Variants in TIAM2 observed in about 807,000 individuals in gnomAD.
The protein encoded by TIAM2 is rho guanine nucleotide exchange factor TIAM2.
TIAM2 carries 80 observed loss-of-function variants against 152.9 expected under a neutral mutation model. The ratio of observed to expected loss-of-function variants is 0.52; its 90% CI spans 0.44 to 0.63. The LOEUF (loss-of-function observed/expected upper bound fraction) is 0.63. Among genes scored for constraint, TIAM2 ranks in the 30% least tolerant of loss-of-function variants. The pLI is 0.00. For missense variants in TIAM2, 1,965 were observed against 2,120.1 expected (o/e 0.93, Z 1.44); for synonymous variants, 804 against 838.0 (o/e 0.96, Z 0.70).
chr6:155,161,208 C>T (rs760409509), intron 7 of TIAM2, among the ~76,000 whole-genome samples: 90 of 130,378 alleles, frequency 6.9e-4, no homozygotes, highest in Middle Eastern at 8.2e-3. Context: ...GCCGGGGTAT[C>T]GGGTCTCACT....
intron 1 of TIAM2, among the ~76,000 whole-genome samples, chr6:155,029,667 C>G (rs1255076394): frequency 8.9e-6 from 1 of 112,578 alleles, no homozygotes; most frequent in Non-Finnish European, 1.8e-5. Context: ...AGTTATATAA[C>G]TATATACAGA....
chr6:155,158,197 G>T (rs1780172047), intron 7 of TIAM2, among the ~76,000 whole-genome samples: 1 of 152,130 alleles, frequency 6.6e-6, no homozygotes, highest in South Asian at 2.1e-4. Context: ...TTCTAGGACT[G>T]CTGGGTGTGG....
chr6:155,199,178 C>T (rs574974686), intron 14 of TIAM2, among the ~76,000 whole-genome samples: 10 of 152,010 alleles, frequency 6.6e-5, no homozygotes, highest in African/African-American at 1.9e-4. Flanking sequence ...CAGGTTCAAG[C>T]GATTCTCCTG....
At chr6:155,114,345 G>A (rs762578562) in intron 2 of TIAM2, among the ~76,000 whole-genome samples, 12 of 151,640 alleles carry the variant, frequency 7.9e-5, no homozygotes, top group African/African-American at 1.2e-4. Flanking sequence ...GTGAGCCACC[G>A]TGCCCTGCCA....
intron 1 of TIAM2, among the ~76,000 whole-genome samples, chr6:155,085,404 T>G (rs1778153282): frequency 6.6e-6 from 1 of 152,172 alleles, no homozygotes; most frequent in Non-Finnish European, 1.5e-5. Context: ...CCTTTTCTCA[T>G]TGACCTGCAT....
chr6:155,179,000 G>T, intron 10 of TIAM2, 39 bp from the exon 11 acceptor site: 2 of 1,466,490 alleles, frequency 1.4e-6, no homozygotes, highest in Non-Finnish European at 1.9e-6. Context: ...GATTTAGAAA[G>T]AGCATTTAAA....
In TIAM2 at chr6:155,252,063, C is replaced by T. The variant is rs111273707; in HGVS notation, c.4119+60C>T. 2.0e-3 allele frequency: 2,750 copies of T among 1,397,070 alleles called. 35 individuals carry two copies. In the African/African-American group the frequency reaches 0.029, roughly 15 times the overall value. 86.5% of individuals were successfully genotyped at this position (1,397,070 alleles called of 1,614,324 possible). A position where few individuals can be genotyped will look rare whatever the true frequency, so the allele number is the denominator to read the frequency against. ...TTTCATAGCTGTATCTTCCTATTAA[C>T]GTTGAACTGAAAAGCCCACTGAGCA... On this transcript the variant is annotated intron_variant, in intron 23 of 26. Transcript: ENST00000682666.
In TIAM2 at chr6:155,256,881, A is replaced by C. The variant is rs754460773; in HGVS notation, c.4866A>C (p.Gly1622=). Residue 1622 remains glycine (G), a synonymous_variant, in exon 27 of 27, where the codon GGA becomes GGC. Transcript: ENST00000682666. The stretch of plus-strand genomic sequence containing the variant: ...AGTCGGGTGAGGGTCAGAAAGGAGG[A>C]GAGCAGCCCAAACTGGTCCGGGGGC... The part of the protein sequence containing the change: ...GPESGEGQKG[G]EQPKLVRGHF... 2.5e-6 allele frequency: 4 copies of C among 1,614,096 alleles called. No homozygotes were observed. Among genetic ancestry groups the C allele is most frequent in the Admixed American group, 3.3e-5 (2 of 60,002 alleles).
chr6:155,165,368 C>T lies in TIAM2; in HGVS notation c.2320C>T (p.Leu774=). 1 of 1,614,116 alleles carries T rather than the reference C, an allele frequency of 6.2e-7. No individual in the cohort carries two copies. ...IFSSLKGLDT[L]ARKGKEKRPS... ...TTCTTCGTTAAAAGGGCTGGACACACTGGCCAGAAAAGGCAAGGAGAAGAG... is the reference window on the plus strand; with the variant it reads ...TTCTTCGTTAAAAGGGCTGGACACATTGGCCAGAAAAGGCAAGGAGAAGAG... Residue 774 remains leucine, a synonymous_variant, in exon 9 of 27, where the codon CTG becomes TTG. Coordinates refer to ENST00000682666, the MANE Select transcript of TIAM2 (RefSeq NM_012454.4).
chr6:155,018,971 C>T (rs1404732486), intron 1 of TIAM2, among the ~76,000 whole-genome samples: 1 of 148,446 alleles, frequency 6.7e-6, no homozygotes, highest in Non-Finnish European at 1.5e-5. Context: ...ACCTGGGAGG[C>T]AGAGGTTACA....
chr6:155,129,123 C>A lies in TIAM2; in HGVS notation c.-6-95C>A. 2 of 1,140,116 alleles carry A rather than the reference C, an allele frequency of 1.8e-6. No homozygotes were observed. Among genetic ancestry groups the A allele is most frequent in the Non-Finnish European group, 2.5e-6 (2 of 806,112 alleles). 70.6% of individuals were successfully genotyped at this position (1,140,116 alleles called of 1,614,324 possible). On this transcript the variant is annotated intron_variant, in intron 3 of 26. Coordinates refer to ENST00000682666, the MANE Select transcript of TIAM2 (RefSeq NM_012454.4). The surrounding 1 kb of genome is among the most constrained non-coding windows in gnomAD (Gnocchi z 4.8). The stretch of plus-strand genomic sequence containing the variant: ...TGAGTCCTTCCAGGCACTGAAGTTG[C>A]TGTGTAATATGCAGGGCATTCTTTT...
intron 5 of TIAM2, among the ~76,000 whole-genome samples, chr6:155,137,939 C>A (rs1388122878): frequency 6.6e-6 from 1 of 152,188 alleles, no homozygotes; most frequent in Non-Finnish European, 1.5e-5. Flanking sequence ...CAGGCTCAAG[C>A]AATTCTCGTG....
chr6:155,118,035 C>T (rs963508197), intron 2 of TIAM2, among the ~76,000 whole-genome samples: 2 of 152,212 alleles, frequency 1.3e-5, no homozygotes, highest in Non-Finnish European at 2.9e-5. Flanking sequence ...CTGTTGGCTA[C>T]TGTGGACTCC....
At chr6:155,027,932 TATATA>T (rs1281815324) in intron 1 of TIAM2, among the ~76,000 whole-genome samples, 9 of 112,864 alleles carry the variant, frequency 8.0e-5, no homozygotes, top group Non-Finnish European at 1.1e-4. Context: ...ATATATACTA[TATATA>T]ATATATGTAC....
chr6:155,248,303 G>T, intron 20 of TIAM2, 124 bp downstream of exon 20: 1 of 1,106,138 alleles, frequency 9.0e-7, no homozygotes, highest in Non-Finnish European at 1.3e-6. Flanking sequence ...TCACTTTTCA[G>T]TTCTGCGATG....
At chr6:155,108,895 A>T (rs957914229) in intron 2 of TIAM2, among the ~76,000 whole-genome samples, 2 of 152,208 alleles carry the variant, frequency 1.3e-5, no homozygotes, top group Non-Finnish European at 2.9e-5. Flanking sequence ...CTATATGTGT[A>T]TGTGCCTCTA....
chr6:155,020,696 C>G (rs1776461340), intron 1 of TIAM2, among the ~76,000 whole-genome samples: 1 of 152,182 alleles, frequency 6.6e-6, no homozygotes. Flanking sequence ...CTCCTGACCT[C>G]AAGTGATCTG....
chr6:155,208,022 T>C (rs1261659626), intron 14 of TIAM2, among the ~76,000 whole-genome samples: 2 of 152,182 alleles, frequency 1.3e-5, no homozygotes, highest in Admixed American at 6.5e-5. Context: ...CCTTATGCCC[T>C]TGCCACAGCT....
chr6:155,179,404 A>G lies in TIAM2; in HGVS notation c.2655A>G (p.Pro885=). 6.2e-7 allele frequency: 1 copy of G among 1,613,990 alleles called. No homozygotes were observed. Among genetic ancestry groups the G allele is most frequent in the Non-Finnish European group, 8.5e-7 (1 of 1,180,002 alleles). ...QQVYDEIEVF[P]LNVYDVQLTK... is the part of the protein sequence containing the mutation. ...TTTATGATGAAATAGAAGTCTTTCC[A>G]CTAAATGTTTATGACGTGCAGCTCA... Residue 885 remains proline (P), a synonymous_variant, in exon 12 of 27, where the codon CCA becomes CCG. Transcript: ENST00000682666.
Sources: gnomAD v4.1 joint callset for allele counts (sites outside exome capture counted in the v4.1 genomes callset) on GRCh38, gnomAD v4.1.1 for gene constraint, Gnocchi (gnomAD v3.1) non-coding constraint, MANE v1.5 for transcripts, NCBI Gene and HGNC (gene_info 2026-07-23, HGNC 2026-07-21) for gene names.